The following EML1 variants were observed in gnomAD, a reference collection of about 807,000 sequenced individuals.
EML1 encodes the protein echinoderm microtubule-associated protein-like 1.
In EML1, 27 loss-of-function variants were observed where a neutral mutation model predicts 110.4. That is an observed-to-expected ratio of 0.24 (90% confidence interval 0.18 to 0.34). The LOEUF is 0.34. Ranked by LOEUF, EML1 falls within the 10% of genes least tolerant of loss-of-function variation. The pLI, the probability that EML1 is intolerant of heterozygous loss-of-function variation, is 1.00. For missense variants in EML1, 741 were observed against 1,030.9 expected, an observed-to-expected ratio of 0.72 and a Z score of 3.85; for synonymous variants, 344 against 385.8, an observed-to-expected ratio of 0.89 and a Z score of 1.27.
intron 1 of EML1, among the ~76,000 whole-genome samples, chr14:99,837,261 C>T (rs2058556578): frequency 1.3e-5 from 2 of 152,158 alleles, no homozygotes; most frequent in African/African-American, 4.8e-5. Flanking sequence ...GTCTCACATC[C>T]TGGAAACTCT....
chr14:99,869,071 G>A (rs2059151309), intron 3 of EML1, among the ~76,000 whole-genome samples: 1 of 152,168 alleles, frequency 6.6e-6, no homozygotes, highest in African/African-American at 2.4e-5. Flanking sequence ...TTGTTTAAGA[G>A]TGAGTTGTTT....
At chr14:99,828,599 A>G (rs1426813039) in intron 1 of EML1, among the ~76,000 whole-genome samples, 1 of 152,166 alleles carries the variant, frequency 6.6e-6, no homozygotes, top group African/African-American at 2.4e-5. Context: ...CACCATAGGT[A>G]TATATATACA....
intron 16 of EML1, among the ~76,000 whole-genome samples, chr14:99,919,437 C>CACACACACAG (rs1566937868): frequency 4.0e-5 from 3 of 75,702 alleles, no homozygotes; most frequent in Non-Finnish European, 1.2e-4. Context: ...CACACACACA[C>CACACACACAG]ACACACACAC....
chr14:99,787,624 C>T (rs2057615714), intron 1 of EML1, among the ~76,000 whole-genome samples: 1 of 152,124 alleles, frequency 6.6e-6, no homozygotes, highest in African/African-American at 2.4e-5. Flanking sequence ...CTCGGACTCC[C>T]TTAAGAATGT....
In EML1 at chr14:99,940,555, G is replaced by A. The variant is rs1346997117; in HGVS notation, c.*443G>A. 3 of 152,810 alleles carry A rather than the reference G, an allele frequency of 2.0e-5. No individual in the cohort carries two copies. The highest frequency in any genetic ancestry group is 7.2e-5 in the African/African-American group (3 of 41,476). The allele number at this position is 152,810 out of a possible 1,614,324, so 9.5% of individuals were successfully genotyped here. A position where few individuals can be genotyped will look rare whatever the true frequency, so the allele number is the denominator to read the frequency against. The stretch of plus-strand genomic sequence containing the variant: ...GGCTGTTGAGGAATTGGTCCTAAAA[G>A]GACAGATCACTTCAGAAGAGTGAAT... On this transcript the variant is annotated 3_prime_UTR_variant, in exon 22 of 22. Coordinates refer to ENST00000262233, the MANE Select transcript of EML1 (RefSeq NM_004434.3).
In EML1 at chr14:99,832,327, A is replaced by C. The variant is rs553800917; in HGVS notation, c.68-18526A>C. On this transcript the variant is annotated intron_variant, in intron 1 of 21. Coordinates refer to ENST00000262233, the MANE Select transcript of EML1 (RefSeq NM_004434.3). ...GTCCCAGTAGTTTTTGGCTATTACA[A>C]ATAAAGCTGCTTTTAACATTTGTGT... Among the ~76,000 whole-genome samples the C allele has an allele frequency of 5.9e-5, 9 of 152,306 alleles. No homozygotes were observed. The East Asian group carries it at 1.3e-3, about 23-fold the overall frequency.
At chr14:99,847,789 T>A (rs963671163) in intron 1 of EML1, among the ~76,000 whole-genome samples, 4 of 152,212 alleles carry the variant, frequency 2.6e-5, no homozygotes, top group African/African-American at 7.2e-5. Context: ...TTTTGACATC[T>A]ATTTTATCTG....
At chr14:99,913,034 G>C (rs552724667) in intron 13 of EML1, among the ~76,000 whole-genome samples, 25 of 152,150 alleles carry the variant, frequency 1.6e-4, no homozygotes, top group Non-Finnish European at 3.2e-4. Flanking sequence ...ATAGCAAATT[G>C]TTCTTAATGG....
intron 1 of EML1, among the ~76,000 whole-genome samples, chr14:99,812,566 C>A (rs1259801399): frequency 6.6e-6 from 1 of 150,952 alleles, no homozygotes; most frequent in Non-Finnish European, 1.5e-5. Context: ...TCCCACGGCC[C>A]TCCCTGTACA....
At chr14:99,896,250 T>A (rs1382357354) in intron 6 of EML1, among the ~76,000 whole-genome samples, 1 of 152,216 alleles carries the variant, frequency 6.6e-6, no homozygotes, top group Non-Finnish European at 1.5e-5. Flanking sequence ...GGTTTAAATT[T>A]AAGCTATTGT....
At chr14:99,794,600 ATTTT>A (rs1331049549) in intron 1 of EML1, among the ~76,000 whole-genome samples, 1 of 152,102 alleles carries the variant, frequency 6.6e-6, no homozygotes, top group Non-Finnish European at 1.5e-5. Flanking sequence ...CTGTAGTGGT[ATTTT>A]TTATCTCTGG....
At chr14:99,759,687 C>T (rs959050704) in intron 1 of EML1, among the ~76,000 whole-genome samples, 5 of 152,348 alleles carry the variant, frequency 3.3e-5, no homozygotes, top group Middle Eastern at 3.4e-3. Flanking sequence ...GCTGGGTTTG[C>T]GCTGTGTCCA....
intron 3 of EML1, among the ~76,000 whole-genome samples, chr14:99,866,853 G>A (rs2059111991): frequency 2.0e-5 from 3 of 152,104 alleles, no homozygotes; most frequent in East Asian, 1.9e-4. Flanking sequence ...TGATGTCCTC[G>A]ACATGCATCC....
Position 99,793,506 on chromosome 14 carries a change from C to A in EML1, c.30C>A (p.Ser10Arg). Reference sequence around the variant, plus strand: ...AGGACGGCTTCTCCAGCTACAGCAGCCTGTACGACACGTCCTCGCTGCTCC... The same window carrying A: ...AGGACGGCTTCTCCAGCTACAGCAGACTGTACGACACGTCCTCGCTGCTCC... MEDGFSSYSSLYDTSSLLQF... is the reference protein window; with the variant it reads MEDGFSSYSRLYDTSSLLQF... The change falls in exon 1 of 22, where the codon AGC (serine) becomes AGA (arginine). Residue 10 changes from serine to arginine, a missense_variant. Ser to Arg is a moderately radical substitution (Grantham distance 110, BLOSUM62 -1). Coordinates refer to ENST00000262233, the MANE Select transcript of EML1 (RefSeq NM_004434.3). 1 of 1,051,940 alleles carries A rather than the reference C, an allele frequency of 9.5e-7. No individual in the cohort carries two copies. The highest frequency in any genetic ancestry group is 1.2e-6 in the Non-Finnish European group (1 of 868,236). The allele number at this position is 1,051,940 out of a possible 1,614,324, so 65.2% of individuals were successfully genotyped here.
chr14:99,793,132 G>A (rs994484943), upstream of EML1, among the ~76,000 whole-genome samples: 1 of 149,574 alleles, frequency 6.7e-6, no homozygotes, highest in Admixed American at 6.6e-5. Flanking sequence ...GGGGACAGCG[G>A]GCGGCAGACG....
intron 1 of EML1, among the ~76,000 whole-genome samples, chr14:99,764,919 TTTG>T (rs141134922): frequency 0.017 from 2,577 of 152,082 alleles, 38 homozygotes; most frequent in African/African-American, 0.045. Context: ...CTTAATCGTT[TTTG>T]TTGTTGTTGG....
intron 3 of EML1, among the ~76,000 whole-genome samples, chr14:99,866,218 G>A (rs1239741777): frequency 2.0e-5 from 3 of 151,830 alleles, no homozygotes; most frequent in East Asian, 1.9e-4. Context: ...CAAGGTGGGC[G>A]GATCACTTGA....
chr14:99,755,924 G>A (rs375824857), intron 1 of EML1, among the ~76,000 whole-genome samples: 19 of 152,236 alleles, frequency 1.2e-4, no homozygotes, highest in Admixed American at 7.2e-4. Flanking sequence ...CTTCACAGGC[G>A]AGGAACCCGA....
At chr14:99,739,766 G>A (rs1324422294) in intron 1 of EML1, among the ~76,000 whole-genome samples, 1 of 152,202 alleles carries the variant, frequency 6.6e-6, no homozygotes, top group Non-Finnish European at 1.5e-5. Flanking sequence ...AGCACACAGT[G>A]TGAAGTTCAG....
Sources: gnomAD v4.1 joint callset for allele counts (sites outside exome capture counted in the v4.1 genomes callset) on GRCh38, gnomAD v4.1.1 for gene constraint, MANE v1.5 for transcripts, NCBI Gene and HGNC (gene_info 2026-07-23, HGNC 2026-07-21) for gene names.